EGFL8: variants seen among roughly 807,000 people sequenced by gnomAD.
The protein encoded by EGFL8 is epidermal growth factor-like protein 8.
EGFL8 carries 32 observed loss-of-function variants against 39.4 expected under a neutral mutation model. The observed-to-expected ratio is 0.81, with a 90% CI of 0.61 to 1.09. The LOEUF is 1.09. Among genes scored for constraint, EGFL8 ranks in the 50% least tolerant of loss-of-function variants. The pLI is 0.00. For missense variants in EGFL8, 385 were observed against 402.2 expected (o/e 0.96, Z 0.37); for synonymous variants, 177 against 168.5 (o/e 1.05, Z -0.39).
chr6:32,165,057 G>A (rs1448473712), intron 1 of EGFL8, among the ~76,000 whole-genome samples: 7 of 151,752 alleles, frequency 4.6e-5, no homozygotes, highest in South Asian at 2.1e-4. Context: ...GATTACAGGC[G>A]TCCACCACTG....
In EGFL8 at chr6:32,167,478, C is replaced by T. The variant is rs571579402; in HGVS notation, c.682-25C>T. ...GCGAGGCCAGACGTCACTGTCAATACCCTGAGGCATCTCTTCCTTTCTAGT... is the reference window on the plus strand; with the variant it reads ...GCGAGGCCAGACGTCACTGTCAATATCCTGAGGCATCTCTTCCTTTCTAGT... On this transcript the variant is annotated intron_variant, in intron 7 of 8. Transcript: ENST00000333845. The surrounding 1 kb of genome is among the most constrained non-coding windows in gnomAD (Gnocchi z 6.4). 2.1e-5 allele frequency: 34 copies of T among 1,610,386 alleles called. No homozygotes were observed. The African/African-American group carries it at 4.3e-4, about 20-fold the overall frequency.
In EGFL8 at chr6:32,165,985, A is replaced by C. The variant is rs986789024; in HGVS notation, c.-28-153A>C. On this transcript the variant is annotated intron_variant, in intron 1 of 8. Coordinates refer to ENST00000333845, the MANE Select transcript of EGFL8 (RefSeq NM_030652.4). ...TAAGGACAGGATAGTGTTGGGTTGTACACACAGGTGTAGGCAATCCTGGTG... is the reference window on the plus strand; with the variant it reads ...TAAGGACAGGATAGTGTTGGGTTGTCCACACAGGTGTAGGCAATCCTGGTG... 6.4e-5 allele frequency: 42 copies of C among 655,062 alleles called. 1 individual carries two copies. Among genetic ancestry groups the C allele is most frequent in the Admixed American group, 1.5e-4 (7 of 45,290 alleles). 40.6% of individuals were successfully genotyped at this position (655,062 alleles called of 1,614,324 possible).
In EGFL8 at chr6:32,164,843, G is replaced by C. The variant is rs1582634274; in HGVS notation, c.-29+186G>C. ...GGGAGTAGCAGTGTGTGAAAGGTGTGGAGTTTCCAGGTGCTTGGTTTGTGT... is the reference window on the plus strand; with the variant it reads ...GGGAGTAGCAGTGTGTGAAAGGTGTCGAGTTTCCAGGTGCTTGGTTTGTGT... On this transcript the variant is annotated intron_variant, in intron 1 of 8. Transcript: ENST00000333845. This position sits in a 1 kb window ranked among gnomAD's most constrained non-coding sequence, Gnocchi z 5.4. Among the ~76,000 whole-genome samples, 2 of 152,180 alleles carry C rather than the reference G, an allele frequency of 1.3e-5. No individual in the cohort carries two copies. The highest frequency in any genetic ancestry group is 4.1e-4 in the South Asian group (2 of 4,822).
chr6:32,164,951 G>A lies in EGFL8; in HGVS notation c.-29+294G>A, dbSNP rs1784382298. On this transcript the variant is annotated intron_variant, in intron 1 of 8. Transcript: ENST00000333845. This position sits in a 1 kb window ranked among gnomAD's most constrained non-coding sequence, Gnocchi z 5.4. ...TTTTGAGACGGAGTCTTGCTCTGTC[G>A]CCCAGGCTAGAGTGCAGTGGCATGA... 4.0e-5 allele frequency among the ~76,000 whole-genome samples: 6 copies of A among 151,758 alleles called. No homozygotes were observed. The highest frequency in any genetic ancestry group is 7.3e-5 in the African/African-American group (3 of 41,298).
In EGFL8 at chr6:32,166,846, GC is replaced by G; in HGVS notation, c.334+40del. Reference sequence around the variant, plus strand: ...GTCTTCCGGGCCTTGCGGGAGGCGCGCCCCACGGAGCTGGGGAGCTGGGTCG... The same window carrying G: ...GTCTTCCGGGCCTTGCGGGAGGCGCGCCCACGGAGCTGGGGAGCTGGGTCG... On this transcript the variant is annotated intron_variant, in intron 4 of 8. Coordinates refer to ENST00000333845, the MANE Select transcript of EGFL8 (RefSeq NM_030652.4). The surrounding 1 kb of genome is among the most constrained non-coding windows in gnomAD (Gnocchi z 7.3). 6.3e-7 allele frequency: 1 copy of G among 1,575,304 alleles called. No homozygotes were observed. Among genetic ancestry groups the G allele is most frequent in the Non-Finnish European group, 8.6e-7 (1 of 1,159,096 alleles).
Position 32,164,671 on chromosome 6 carries a change from G to T in EGFL8, c.-29+14G>T. 1 of 716,786 alleles carries T rather than the reference G, an allele frequency of 1.4e-6. No homozygotes were observed. 44.4% of individuals were successfully genotyped at this position (716,786 alleles called of 1,614,324 possible). A position where few individuals can be genotyped will look rare whatever the true frequency, so the allele number is the denominator to read the frequency against. On this transcript the variant is annotated intron_variant, in intron 1 of 8. Transcript: ENST00000333845. The surrounding 1 kb of genome is among the most constrained non-coding windows in gnomAD (Gnocchi z 5.4). ...GAAAGAAGCCAGGTGGGAATGGAGA[G>T]AGAGAGGAAGGCAAGTGGGGAGAGA... is the stretch of plus-strand genomic sequence containing the variant.
chr6:32,167,259 T>A lies in EGFL8; in HGVS notation c.601+2T>A. On this transcript the variant is annotated splice_donor_variant, in intron 6 of 8. Transcript: ENST00000333845. LOFTEE classifies it high-confidence loss of function. This position sits in a 1 kb window ranked among gnomAD's most constrained non-coding sequence, Gnocchi z 6.4. ...GTGCCAGCATACTCAGCGTGGCCGG[T>A]GAGTGGGCAGGAGTACGGGCCACCC... is the stretch of plus-strand genomic sequence containing the variant. 1 of 1,611,614 alleles carries A rather than the reference T, an allele frequency of 6.2e-7. No homozygotes were observed. Among genetic ancestry groups the A allele is most frequent in the East Asian group, 2.2e-5 (1 of 44,852 alleles).
chr6:32,166,405 G>A lies in EGFL8; in HGVS notation c.102-93G>A. On this transcript the variant is annotated intron_variant, in intron 2 of 8. Coordinates refer to ENST00000333845, the MANE Select transcript of EGFL8 (RefSeq NM_030652.4). The surrounding 1 kb of genome is among the most constrained non-coding windows in gnomAD (Gnocchi z 7.3). ...CTGTCATCTGGAGGGAGAGCGGGGG[G>A]CCTCAGTAGCCTCTTGAGGGAAGTG... is the stretch of plus-strand genomic sequence containing the variant. 7 of 1,596,304 alleles carry A rather than the reference G, an allele frequency of 4.4e-6. No individual in the cohort carries two copies. The highest frequency in any genetic ancestry group is 6.0e-6 in the Non-Finnish European group (7 of 1,166,248).
Position 32,167,980 on chromosome 6 carries a change from C to T in EGFL8, c.*24C>T, listed in dbSNP as rs761549917. 6.2e-7 allele frequency: 1 copy of T among 1,613,446 alleles called. No individual in the cohort carries two copies. Among genetic ancestry groups the T allele is most frequent in the Non-Finnish European group, 8.5e-7 (1 of 1,179,504 alleles). ...AAGAAGCCTCTACAGCACCCCTGCC[C>T]CCTAATTTATACAGAAACCGGACCC... On this transcript the variant is annotated 3_prime_UTR_variant, in exon 9 of 9. Coordinates refer to ENST00000333845, the MANE Select transcript of EGFL8 (RefSeq NM_030652.4). This position sits in a 1 kb window ranked among gnomAD's most constrained non-coding sequence, Gnocchi z 6.4.
rs560466500 is a variant in EGFL8, at chr6:32,167,941, C to T, written c.867C>T (p.Gly289=). 1.4e-5 allele frequency: 23 copies of T among 1,614,166 alleles called. No homozygotes were observed. Among genetic ancestry groups the T allele is most frequent in the Admixed American group, 5.0e-5 (3 of 60,022 alleles). The change falls in exon 9 of 9, where the codon GGC becomes GGT. Residue 289 remains glycine, a synonymous_variant. Coordinates refer to ENST00000333845, the MANE Select transcript of EGFL8 (RefSeq NM_030652.4). This position sits in a 1 kb window ranked among gnomAD's most constrained non-coding sequence, Gnocchi z 6.4. ...CSCEDNSLGL[G]VNHR is the part of the protein sequence containing the mutation. ...GTGAGGACAACAGCCTGGGCCTCGGCGTCAATCATCGATAAGAAGCCTCTA... is the reference window on the plus strand; with the variant it reads ...GTGAGGACAACAGCCTGGGCCTCGGTGTCAATCATCGATAAGAAGCCTCTA...
chr6:32,165,034 C>T (rs1784386851), intron 1 of EGFL8, among the ~76,000 whole-genome samples: 1 of 151,930 alleles, frequency 6.6e-6, no homozygotes, highest in Non-Finnish European at 1.5e-5. Context: ...GCCTCAGCTT[C>T]CCGAGTAGCT....
In EGFL8 at chr6:32,167,213, G is replaced by C. The variant is rs1784587878; in HGVS notation, c.557G>C (p.Gly186Ala). ...GTGGACGGGCGCACCTGCATGGAGG[G>C]GTCCCCAGAGCCCCCAACCAGTGCC... ...LGVDGRTCMEGSPEPPTSASI... is the reference protein window; with the variant it reads ...LGVDGRTCMEASPEPPTSASI... The change falls in exon 6 of 9, where the codon GGG becomes GCG. Residue 186 changes from glycine (G) to alanine (A), a missense_variant. Transcript: ENST00000333845. The surrounding 1 kb of genome is among the most constrained non-coding windows in gnomAD (Gnocchi z 6.4). 5 of 1,612,770 alleles carry C rather than the reference G, an allele frequency of 3.1e-6. No homozygotes were observed. Among genetic ancestry groups the C allele is most frequent in the Non-Finnish European group, 4.2e-6 (5 of 1,179,968 alleles).
In EGFL8 at chr6:32,164,666, GGA is replaced by G. The variant is rs756078056; in HGVS notation, c.-29+19_-29+20del. The G allele has an allele frequency of 3.4e-5, 24 of 716,384 alleles. No homozygotes were observed. The highest frequency in any genetic ancestry group is 8.7e-5 in the African/African-American group (5 of 57,304). The allele number at this position is 716,384 out of a possible 1,614,324, so 44.4% of individuals were successfully genotyped here. ...CAGGAGAAAGAAGCCAGGTGGGAAT[GGA>G]GAGAGAGAGGAAGGCAAGTGGGGAG... On this transcript the variant is annotated intron_variant, in intron 1 of 8. Transcript: ENST00000333845. The surrounding 1 kb of genome is among the most constrained non-coding windows in gnomAD (Gnocchi z 5.4).
chr6:32,167,220 A>AT lies in EGFL8; in HGVS notation c.564_565insT (p.Glu189Ter). On this transcript the variant is annotated frameshift_variant, in exon 6 of 9. Transcript: ENST00000333845. LOFTEE classifies it high-confidence loss of function. This position sits in a 1 kb window ranked among gnomAD's most constrained non-coding sequence, Gnocchi z 6.4. ...GGCGCACCTGCATGGAGGGGTCCCC[A>AT]GAGCCCCCAACCAGTGCCAGCATAC... 6.2e-7 allele frequency: 1 copy of AT among 1,612,778 alleles called. No individual in the cohort carries two copies. The highest frequency in any genetic ancestry group is 8.5e-7 in the Non-Finnish European group (1 of 1,179,894).
At chr6:32,165,581 A>C (rs973409060) in intron 1 of EGFL8, 2 of 151,636 alleles carry the variant, frequency 1.3e-5, no homozygotes, top group African/African-American at 4.9e-5. Context: ...AAAACCAAAA[A>C]AAAAAAACCC....
rs1470109817 is a variant in EGFL8 at position 32,167,544 on chromosome 6, C to T, written c.723C>T (p.Pro241=). ...GGGCCTGGGTCAGAGCGGTGCTGCC[C>T]GTGCCGCCTGAAGAGCTGCAGCCAG... is the stretch of plus-strand genomic sequence containing the variant. ...QAGAWVRAVL[P]VPPEELQPEQ... is the part of the protein sequence containing the mutation. The change falls in exon 8 of 9, where the codon CCC becomes CCT. Residue 241 remains proline (P), a synonymous_variant. Coordinates refer to ENST00000333845, the MANE Select transcript of EGFL8 (RefSeq NM_030652.4). This position sits in a 1 kb window ranked among gnomAD's most constrained non-coding sequence, Gnocchi z 6.4. 9.3e-6 allele frequency: 15 copies of T among 1,608,604 alleles called. No individual in the cohort carries two copies. Among genetic ancestry groups the T allele is most frequent in the East Asian group, 4.5e-5 (2 of 44,888 alleles).
rs749468391 is a variant in EGFL8 at position 32,167,612 on chromosome 6, C to G, written c.791C>G (p.Ser264Cys). 1.5e-5 allele frequency: 24 copies of G among 1,611,268 alleles called. No homozygotes were observed. In the South Asian group the frequency reaches 2.6e-4, roughly 18 times the overall value. ...ELWGRGDRIE[S>C]LSDQVLLLEE... is the part of the protein sequence containing the mutation. ...TGGGGCCGGGGTGACCGGATCGAAT[C>G]TCTCAGCGACCAGGTGCTGCTGCTG... The change falls in exon 8 of 9, where the codon TCT (serine) becomes TGT (cysteine). Residue 264 changes from serine (S) to cysteine (C), a missense_variant. Coordinates refer to ENST00000333845, the MANE Select transcript of EGFL8 (RefSeq NM_030652.4). This position sits in a 1 kb window ranked among gnomAD's most constrained non-coding sequence, Gnocchi z 6.4.
At position 32,166,834 on chromosome 6, in the gene EGFL8, T is replaced by G. The variant is rs762501828; in HGVS notation, c.334+24T>G. ...AGGTGAGGCTGGGTCTTCCGGGCCT[T>G]GCGGGAGGCGCGCCCCACGGAGCTG... On this transcript the variant is annotated intron_variant, in intron 4 of 8. Transcript: ENST00000333845. The surrounding 1 kb of genome is among the most constrained non-coding windows in gnomAD (Gnocchi z 7.3). 2 of 1,573,510 alleles carry G rather than the reference T, an allele frequency of 1.3e-6. No individual in the cohort carries two copies. The highest frequency in any genetic ancestry group is 2.3e-5 in the South Asian group (2 of 85,380).
Position 32,167,268 on chromosome 6 carries a change from A to G in EGFL8, c.601+11A>G. 1 of 1,610,588 alleles carries G rather than the reference A, an allele frequency of 6.2e-7. No homozygotes were observed. Among genetic ancestry groups the G allele is most frequent in the Non-Finnish European group, 8.5e-7 (1 of 1,178,814 alleles). ...TACTCAGCGTGGCCGGTGAGTGGGC[A>G]GGAGTACGGGCCACCCGAGGGACTC... On this transcript the variant is annotated intron_variant, in intron 6 of 8. Coordinates refer to ENST00000333845, the MANE Select transcript of EGFL8 (RefSeq NM_030652.4). The surrounding 1 kb of genome is among the most constrained non-coding windows in gnomAD (Gnocchi z 6.4).
Sources: gnomAD v4.1 joint callset for allele counts (sites outside exome capture counted in the v4.1 genomes callset) on GRCh38, gnomAD v4.1.1 for gene constraint, Gnocchi (gnomAD v3.1) non-coding constraint, MANE v1.5 for transcripts, NCBI Gene and HGNC (gene_info 2026-07-23, HGNC 2026-07-21) for gene names.